The following COG5 variants were observed in gnomAD, a reference collection of about 807,000 sequenced individuals.
COG5 encodes the protein conserved oligomeric Golgi complex subunit 5.
COG5 carries 86 observed loss-of-function variants against 110.4 expected under a neutral mutation model. That is an observed-to-expected ratio of 0.78 (90% confidence interval 0.65 to 0.93). The LOEUF is 0.93. Ranked by LOEUF, COG5 falls within the 40% of genes least tolerant of loss-of-function variation. COG5 has a pLI of 0.00. For synonymous variants in COG5, 360 were observed against 334.6 expected (o/e 1.08, Z -0.83); for missense variants, 1,077 against 987.0 (o/e 1.09, Z -1.22).
At chr7:107,309,050 T>C (rs1807984698) in intron 11 of COG5, among the ~76,000 whole-genome samples, 1 of 148,732 alleles carries the variant, frequency 6.7e-6, no homozygotes, top group African/African-American at 2.5e-5. Context: ...ACATAAGTGA[T>C]AAAGGGGTTC....
intron 6 of COG5, among the ~76,000 whole-genome samples, chr7:107,431,244 TAAC>T (rs1249428546): frequency 6.6e-6 from 1 of 152,166 alleles, no homozygotes. Flanking sequence ...TGTTTGCACA[TAAC>T]AACAGAGTTT....
chr7:107,371,068 A>T (rs1459229099), intron 8 of COG5, among the ~76,000 whole-genome samples: 2 of 152,092 alleles, frequency 1.3e-5, no homozygotes, highest in Non-Finnish European at 2.9e-5. Context: ...ACATTATATC[A>T]AACTTTCTGA....
intron 10 of COG5, among the ~76,000 whole-genome samples, chr7:107,357,257 C>A (rs1812707394): frequency 6.6e-6 from 1 of 152,008 alleles, no homozygotes; most frequent in Non-Finnish European, 1.5e-5. Context: ...ATATTGAGGA[C>A]CTTATGTGCT....
chr7:107,334,027 T>C (rs1336977265), intron 10 of COG5, among the ~76,000 whole-genome samples: 1 of 152,164 alleles, frequency 6.6e-6, no homozygotes, highest in African/African-American at 2.4e-5. Context: ...CATGGTTTAC[T>C]AGTATTTTGA....
intron 8 of COG5, among the ~76,000 whole-genome samples, chr7:107,370,529 T>C (rs1180694134): frequency 6.6e-6 from 1 of 152,024 alleles, no homozygotes; most frequent in East Asian, 1.9e-4. Context: ...CTCACGCCTG[T>C]AATCTCAGCA....
intron 18 of COG5, among the ~76,000 whole-genome samples, chr7:107,233,210 G>A (rs1008600359): frequency 1.1e-4 from 16 of 152,174 alleles, no homozygotes; most frequent in Non-Finnish European, 4.4e-5. Flanking sequence ...GAGGGGTGGA[G>A]GGGGAGTATG....
intron 6 of COG5, among the ~76,000 whole-genome samples, chr7:107,484,269 T>G (rs1049359039): frequency 1.3e-5 from 2 of 151,966 alleles, no homozygotes; most frequent in African/African-American, 4.8e-5. Context: ...AATAATAAAA[T>G]CAGAGCAAAC....
intron 10 of COG5, among the ~76,000 whole-genome samples, chr7:107,349,582 G>C (rs796118327): frequency 3.3e-5 from 5 of 151,592 alleles, no homozygotes; most frequent in African/African-American, 9.7e-5. Context: ...TTTTGAGACA[G>C]AGTCTCGCTC....
intron 8 of COG5, among the ~76,000 whole-genome samples, chr7:107,362,871 A>C (rs924933868): frequency 1.3e-5 from 2 of 152,118 alleles, no homozygotes; most frequent in Non-Finnish European, 2.9e-5. Context: ...AAATAAAACT[A>C]ACTGTATATC....
chr7:107,298,266 G>GAAGACGCTTCCATAAGTCATTATA lies in COG5; in HGVS notation c.1165_1188dup (p.Tyr389_Leu396dup). The GAAGACGCTTCCATAAGTCATTATA allele has an allele frequency of 6.2e-7, 1 of 1,613,378 alleles. No individual in the cohort carries two copies. Among genetic ancestry groups the GAAGACGCTTCCATAAGTCATTATA allele is most frequent in the Non-Finnish European group, 8.5e-7 (1 of 1,179,578 alleles). ...CCTTGGATATGCTGACTGTATTGTT[G>GAAGACGCTTCCATAAGTCATTATA]AAGACGCTTCCATAAGTCATTATAA... On this transcript the variant is annotated inframe_insertion, in exon 12 of 22. Transcript: ENST00000297135.
At chr7:107,430,775 T>G (rs1480548028) in intron 6 of COG5, among the ~76,000 whole-genome samples, 1 of 152,180 alleles carries the variant, frequency 6.6e-6, no homozygotes, top group African/African-American at 2.4e-5. Context: ...ATTTGTGAAA[T>G]GCTACCTTAC....
intron 7 of COG5, among the ~76,000 whole-genome samples, chr7:107,384,401 C>T (rs1203543204): frequency 6.6e-6 from 1 of 152,172 alleles, no homozygotes; most frequent in African/African-American, 2.4e-5. Flanking sequence ...AAGTTCACCG[C>T]CTTTGCAGCA....
chr7:107,483,614 G>A (rs1363127880), intron 6 of COG5, among the ~76,000 whole-genome samples: 1 of 151,768 alleles, frequency 6.6e-6, no homozygotes, highest in Non-Finnish European at 1.5e-5. Flanking sequence ...TGAGGCAGGA[G>A]AATCGCTTGA....
chr7:107,563,718 C>A, intron 1 of COG5, 85 bp downstream of exon 1: 3 of 1,518,098 alleles, frequency 2.0e-6, no homozygotes, highest in East Asian at 2.3e-5. Context: ...TTCTGCAAAG[C>A]AACGGGTTGG....
intron 7 of COG5, among the ~76,000 whole-genome samples, chr7:107,407,596 A>G (rs1791947696): frequency 6.6e-6 from 1 of 151,938 alleles, no homozygotes; most frequent in African/African-American, 2.4e-5. Context: ...AAATATAATA[A>G]ATAACATTAT....
At chr7:107,472,619 T>TAA (rs1563054407) in intron 6 of COG5, 4 of 152,012 alleles carry the variant, frequency 2.6e-5, no homozygotes, top group Non-Finnish European at 5.9e-5. Flanking sequence ...AGGATTTCAA[T>TAA]GTTAGCTAAG....
intron 7 of COG5, among the ~76,000 whole-genome samples, chr7:107,406,217 T>G (rs1435501091): frequency 2.0e-5 from 3 of 152,212 alleles, no homozygotes; most frequent in Non-Finnish European, 4.4e-5. Flanking sequence ...TATCCTCCTA[T>G]GAACCATGCT....
intron 18 of COG5, among the ~76,000 whole-genome samples, chr7:107,234,274 C>G (rs1267072514): frequency 6.6e-6 from 1 of 152,116 alleles, no homozygotes; most frequent in Non-Finnish European, 1.5e-5. Flanking sequence ...AAACAAGAGG[C>G]CTTTGAGCAT....
At chr7:107,240,793 A>C (rs1442987736) in intron 17 of COG5, among the ~76,000 whole-genome samples, 1 of 152,182 alleles carries the variant, frequency 6.6e-6, no homozygotes, top group African/African-American at 2.4e-5. Flanking sequence ...AGATTCTACA[A>C]AGTAGGAAAA....
Sources: allele counts gnomAD v4.1 joint callset (sites outside exome capture counted in the v4.1 genomes callset), GRCh38; gene constraint gnomAD v4.1.1; transcripts MANE v1.5; gene names NCBI Gene and HGNC (gene_info 2026-07-23, HGNC 2026-07-21).